OR51B5: variants seen among roughly 807,000 people sequenced by gnomAD.
The protein encoded by OR51B5 is olfactory receptor 51B5.
For missense variants in OR51B5, 456 were observed against 374.6 expected, an observed-to-expected ratio of 1.22 and a Z score of -1.79; for synonymous variants, 186 against 144.8, an observed-to-expected ratio of 1.28 and a Z score of -2.04.
At chr11:5,497,050 A>ATT (rs1564833708) in intron 1 of OR51B5, among the ~76,000 whole-genome samples, 3,215 of 140,572 alleles carry the variant, frequency 0.023, 118 homozygotes, top group African/African-American at 0.08. Flanking sequence ...TTTAAAAAAA[A>ATT]AAAAAAAAAA....
At chr11:5,431,831 A>G (rs938283063) in intron 1 of OR51B5, among the ~76,000 whole-genome samples, 1 of 152,234 alleles carries the variant, frequency 6.6e-6, no homozygotes, top group Non-Finnish European at 1.5e-5. Flanking sequence ...TGTTACTTGG[A>G]AAAGAGATAT....
At chr11:5,373,743 A>C (rs1048978431) in intron 1 of OR51B5, among the ~76,000 whole-genome samples, 4 of 152,174 alleles carry the variant, frequency 2.6e-5, no homozygotes, top group Non-Finnish European at 5.9e-5. Flanking sequence ...CAGCAGTCTG[A>C]GATCAAACTG....
At chr11:5,488,577 A>C in intron 1 of OR51B5, 1 of 727,566 alleles carries the variant, frequency 1.4e-6, no homozygotes. Context: ...AGTGAAAAAC[A>C]AATTTTTTTA....
At chr11:5,441,965 T>C (rs1162433026) in intron 1 of OR51B5, among the ~76,000 whole-genome samples, 1 of 152,152 alleles carries the variant, frequency 6.6e-6, no homozygotes, top group Admixed American at 6.6e-5. Flanking sequence ...CCTGAACTTG[T>C]CATAGCCAAA....
chr11:5,371,371 A>C (rs1849445091), intron 1 of OR51B5, among the ~76,000 whole-genome samples: 1 of 152,198 alleles, frequency 6.6e-6, no homozygotes, highest in Non-Finnish European at 1.5e-5. Context: ...GACATTGATG[A>C]AACTGTAAAA....
intron 1 of OR51B5, among the ~76,000 whole-genome samples, chr11:5,482,760 T>G (rs1213032692): frequency 1.4e-5 from 1 of 71,618 alleles, no homozygotes; most frequent in African/African-American, 6.0e-5. Context: ...GAAAAAATGC[T>G]CATCATCACT....
At chr11:5,489,594 T>C (rs774973510) in intron 1 of OR51B5, 7 of 1,614,010 alleles carry the variant, frequency 4.3e-6, no homozygotes, top group Admixed American at 1.7e-5. Flanking sequence ...CTATTCTCTA[T>C]GGAGCTAGAA....
intron 1 of OR51B5, chr11:5,389,562 G>T (rs377517295): frequency 6.2e-7 from 1 of 1,613,670 alleles, no homozygotes; most frequent in African/African-American, 1.3e-5. Flanking sequence ...TCAGGCAATT[G>T]TTTCATTCTG....
At chr11:5,359,584 A>T (rs1278312713) in intron 1 of OR51B5, among the ~76,000 whole-genome samples, 3 of 145,142 alleles carry the variant, frequency 2.1e-5, no homozygotes, top group African/African-American at 7.7e-5. Context: ...TAATTTATAG[A>T]TTCAATGCCA....
intron 1 of OR51B5, among the ~76,000 whole-genome samples, chr11:5,502,160 G>T (rs546941588): frequency 6.6e-6 from 1 of 152,026 alleles, no homozygotes; most frequent in Admixed American, 6.6e-5. Context: ...TGACTACAGG[G>T]GTCTTCAGAT....
Position 5,424,289 on chromosome 11 carries a change from T to C in OR51B5, n.85-77379A>G, listed in dbSNP as rs76636305. ...AGGAAGGATTAGGCTCGTAGACACA[T>C]AGAAGGGTGAGGAAAATGAAAGTTA... is the stretch of plus-strand genomic sequence containing the variant. On this transcript the variant is annotated intron_variant and non_coding_transcript_variant, in intron 1 of 4. Coordinates refer to the OR51B5 transcript ENST00000415970. Among the ~76,000 whole-genome samples the C allele has an allele frequency of 3.1e-3, 474 of 151,936 alleles. 2 individuals carry two copies. The highest frequency in any genetic ancestry group is 5.5e-3 in the Non-Finnish European group (375 of 67,940).
At chr11:5,442,868 ATCT>A (rs1189905681) in intron 1 of OR51B5, among the ~76,000 whole-genome samples, 3 of 152,040 alleles carry the variant, frequency 2.0e-5, no homozygotes, top group Non-Finnish European at 4.4e-5. Flanking sequence ...AATTCACTTG[ATCT>A]TCTTGCTACA....
chr11:5,467,673 G>C (rs1851157216), intron 1 of OR51B5, among the ~76,000 whole-genome samples: 1 of 152,190 alleles, frequency 6.6e-6, no homozygotes, highest in Admixed American at 6.5e-5. Flanking sequence ...TTTGCTGACA[G>C]CCTTCAGCTA....
At position 5,342,818 on chromosome 11, in the gene OR51B5, A is replaced by G. The variant is rs1848918438; in HGVS notation, c.707T>C (p.Leu236Pro). The G allele has an allele frequency of 1.2e-6, 2 of 1,613,592 alleles. No individual in the cohort carries two copies. The highest frequency in any genetic ancestry group is 1.7e-6 in the Non-Finnish European group (2 of 1,179,690). Residue 236 changes from leucine to proline, a missense_variant, in exon 1 of 1, where the codon CTC becomes CCC. Transcript: ENST00000300773. ...GCAGATATGGGAGACACAGGTAATG[A>G]GAGCCTTGGCCCTCTCCTCTCTGGA...
At chr11:5,466,746 C>A (rs1470402882) in intron 1 of OR51B5, among the ~76,000 whole-genome samples, 2 of 152,198 alleles carry the variant, frequency 1.3e-5, no homozygotes, top group African/African-American at 2.4e-5. Flanking sequence ...CTTTGCAGCT[C>A]TAGGGGTCCC....
intron 1 of OR51B5, chr11:5,489,598 G>A (rs1176697019): frequency 6.2e-7 from 1 of 1,613,988 alleles, no homozygotes; most frequent in South Asian, 1.1e-5. Flanking sequence ...TCTCTATGGA[G>A]CTAGAACCAA....
intron 1 of OR51B5, among the ~76,000 whole-genome samples, chr11:5,457,861 T>G (rs2133791238): frequency 6.6e-6 from 1 of 152,332 alleles, no homozygotes; most frequent in African/African-American, 2.4e-5. Flanking sequence ...TTCTGGATAT[T>G]AGACATTTGT....
At chr11:5,410,177 A>G (rs1850123508) in intron 1 of OR51B5, among the ~76,000 whole-genome samples, 1 of 152,156 alleles carries the variant, frequency 6.6e-6, no homozygotes. Context: ...AGAAATATGG[A>G]GTGAAATTAA....
chr11:5,379,497 T>A (rs1032043390), intron 1 of OR51B5, among the ~76,000 whole-genome samples: 62 of 151,618 alleles, frequency 4.1e-4, no homozygotes, highest in Admixed American at 3.4e-3. Flanking sequence ...AAATAAAAAA[T>A]AAAGTTCCAG....
Sources: gnomAD v4.1 joint callset for allele counts (sites outside exome capture counted in the v4.1 genomes callset) on GRCh38, gnomAD v4.1.1 for gene constraint, MANE v1.5 for transcripts, NCBI Gene and HGNC (gene_info 2026-07-23, HGNC 2026-07-21) for gene names.